The following GINS1 variants were observed in gnomAD, a reference collection of about 807,000 sequenced individuals.
GINS1 encodes GINS complex subunit 1, also known as DNA replication complex GINS protein PSF1.
A neutral mutation model predicts 34.9 loss-of-function variants in GINS1; 26 were observed. The observed-to-expected ratio is 0.74, with a 90% CI of 0.55 to 1.03. The LOEUF is 1.03. Ranked by LOEUF, GINS1 falls within the 50% of genes least tolerant of loss-of-function variation. The pLI, the probability that GINS1 is intolerant of heterozygous loss-of-function variation, is 0.00. For missense variants in GINS1, 235 were observed against 237.9 expected (o/e 0.99, Z 0.08); for synonymous variants, 97 against 84.4 (o/e 1.15, Z -0.82).
chr20:25,445,348 AT>A (rs61186516), intron 6 of GINS1, among the ~76,000 whole-genome samples: 332 of 138,256 alleles, frequency 2.4e-3, no homozygotes, highest in Admixed American at 4.4e-3. Context: ...CGCCTGGCTA[AT>A]TTTTTTTTTT....
At position 25,437,870 on chromosome 20, in the gene GINS1, G is replaced by A. The variant is rs182149175; in HGVS notation, c.448-3832G>A. ...ACAGTGGCTTACGCTTGTAATCCCA[G>A]CACTTTGGGAGGCCGAGGCGGGTGG... is the stretch of plus-strand genomic sequence containing the variant. On this transcript the variant is annotated intron_variant, in intron 5 of 6. Coordinates refer to ENST00000262460, the MANE Select transcript of GINS1 (RefSeq NM_021067.5). Among the ~76,000 whole-genome samples, 361 of 152,246 alleles carry A rather than the reference G, an allele frequency of 2.4e-3. 2 individuals are homozygous for A. Among genetic ancestry groups the A allele is most frequent in the African/African-American group, 8.5e-3 (354 of 41,548 alleles).
chr20:25,408,685 T>C (rs2146180497), intron 1 of GINS1, among the ~76,000 whole-genome samples: 1 of 152,240 alleles, frequency 6.6e-6, no homozygotes, highest in East Asian at 1.9e-4. Context: ...GGAGACCCTG[T>C]CCCAAACAAA....
chr20:25,446,150 T>C lies in GINS1; in HGVS notation c.*159T>C. On this transcript the variant is annotated 3_prime_UTR_variant, in exon 7 of 7. Transcript: ENST00000262460. ...GCTAAGAAGTATAATTTGCTAACTA[T>C]TAAGGACTTTCTTTTTTTAATGTTG... 2.1e-6 allele frequency: 1 copy of C among 486,784 alleles called. No homozygotes were observed. The highest frequency in any genetic ancestry group is 3.6e-6 in the Non-Finnish European group (1 of 274,356). 30.2% of individuals were successfully genotyped at this position (486,784 alleles called of 1,614,324 possible).
intron 4 of GINS1, 55 bp downstream of exon 4, chr20:25,418,250 T>G: frequency 1.0e-6 from 1 of 969,078 alleles, no homozygotes; most frequent in East Asian, 2.4e-5. Context: ...GTTCTGGCAT[T>G]GTTCTATAAT....
rs2090516981 is a variant in GINS1 at position 25,447,139 on chromosome 20, A to G, written c.*1148A>G. The G allele has an allele frequency of 6.6e-6, 1 of 151,992 alleles. No homozygotes were observed. The highest frequency in any genetic ancestry group is 2.1e-4 in the South Asian group (1 of 4,826). 9.4% of individuals were successfully genotyped at this position (151,992 alleles called of 1,614,324 possible). A position where few individuals can be genotyped will look rare whatever the true frequency, so the allele number is the denominator to read the frequency against. On this transcript the variant is annotated 3_prime_UTR_variant, in exon 7 of 7. Transcript: ENST00000262460. ...ACTGCAATCTCTATCCCCTGGGTTC[A>G]AGTGATTCTCTTGTCTCAGCCTCCC...
intron 4 of GINS1, chr20:25,419,599 GA>G: frequency 1.3e-6 from 1 of 781,006 alleles, no homozygotes; most frequent in South Asian, 2.2e-5. Context: ...GAGATGAACA[GA>G]ACATTATGTT....
At chr20:25,428,010 T>A (rs1005488548) in intron 5 of GINS1, among the ~76,000 whole-genome samples, 3 of 151,368 alleles carry the variant, frequency 2.0e-5, no homozygotes, top group Non-Finnish European at 3.0e-5. Context: ...TAGCTGGGAT[T>A]ACAGGCATGC....
intron 5 of GINS1, among the ~76,000 whole-genome samples, chr20:25,438,897 C>T (rs1407095361): frequency 6.6e-6 from 1 of 152,022 alleles, no homozygotes; most frequent in Non-Finnish European, 1.5e-5. Flanking sequence ...AAAAATAAAA[C>T]ATTTTTGAGG....
In GINS1 at chr20:25,407,708, A is replaced by G. The variant is rs1600912102; in HGVS notation, c.-113A>G. 2.4e-6 allele frequency: 2 copies of G among 830,672 alleles called. No individual in the cohort carries two copies. The highest frequency in any genetic ancestry group is 2.0e-6 in the Non-Finnish European group (1 of 503,528). The allele number at this position is 830,672 out of a possible 1,614,324, so 51.5% of individuals were successfully genotyped here. A position where few individuals can be genotyped will look rare whatever the true frequency, so the allele number is the denominator to read the frequency against. ...AAAGCGCGGAGCGGAGGCCGAGGCGAGAGCCTGGCGCTGTAGGACTAGAAC... is the reference window on the plus strand; with the variant it reads ...AAAGCGCGGAGCGGAGGCCGAGGCGGGAGCCTGGCGCTGTAGGACTAGAAC... On this transcript the variant is annotated 5_prime_UTR_variant, in exon 1 of 7. Coordinates refer to ENST00000262460, the MANE Select transcript of GINS1 (RefSeq NM_021067.5).
chr20:25,443,145 C>A (rs894376635), intron 6 of GINS1: 1 of 152,156 alleles, frequency 6.6e-6, no homozygotes, highest in East Asian at 1.9e-4. Flanking sequence ...TACTAATACC[C>A]TTGGATCTTT....
At position 25,441,694 on chromosome 20, in the gene GINS1, TC is replaced by T. The variant is rs1357040944; in HGVS notation, c.448-7del. 6.9e-7 allele frequency: 1 copy of T among 1,442,458 alleles called. No homozygotes were observed. The highest frequency in any genetic ancestry group is 9.6e-7 in the Non-Finnish European group (1 of 1,041,114). 89.4% of individuals were successfully genotyped at this position (1,442,458 alleles called of 1,614,324 possible). On this transcript the variant is annotated splice_region_variant and splice_polypyrimidine_tract_variant and intron_variant, in intron 5 of 6. Transcript: ENST00000262460. ...TTTAGATAAAACATCTCTCATTTTT[TC>T]TTTCAGGTCCGGTGTCTAAAAGACT...
intron 4 of GINS1, among the ~76,000 whole-genome samples, chr20:25,422,997 G>C (rs931361134): frequency 1.3e-5 from 2 of 152,072 alleles, no homozygotes; most frequent in Non-Finnish European, 1.5e-5. Flanking sequence ...GGCTGGTCTT[G>C]AACTCCCGAC....
rs1600949994 is a variant in GINS1 at position 25,447,227 on chromosome 20, A to G, written c.*1236A>G. On this transcript the variant is annotated 3_prime_UTR_variant, in exon 7 of 7. Coordinates refer to ENST00000262460, the MANE Select transcript of GINS1 (RefSeq NM_021067.5). ...GCTAATTTTTGTATTTTTAGTAGAG[A>G]CAGAGTTTTACCATGTTGGCCAGGC... The G allele has an allele frequency of 6.6e-6, 1 of 152,148 alleles. No homozygotes were observed. Among genetic ancestry groups the G allele is most frequent in the South Asian group, 2.1e-4 (1 of 4,826 alleles). The allele number at this position is 152,148 out of a possible 1,614,324, so 9.4% of individuals were successfully genotyped here. A position where few individuals can be genotyped will look rare whatever the true frequency, so the allele number is the denominator to read the frequency against.
chr20:25,441,707 G>T lies in GINS1; in HGVS notation c.453G>T (p.Arg151=), dbSNP rs973422242. 7.2e-6 allele frequency: 11 copies of T among 1,524,130 alleles called. No homozygotes were observed. The highest frequency in any genetic ancestry group is 1.4e-5 in the African/African-American group (1 of 71,716). 94.4% of individuals were successfully genotyped at this position (1,524,130 alleles called of 1,614,324 possible). A position where few individuals can be genotyped will look rare whatever the true frequency, so the allele number is the denominator to read the frequency against. The part of the protein sequence containing the change: ...KPPKSLYIEV[R]CLKDYGEFEV... The stretch of plus-strand genomic sequence containing the variant: ...TCTCTCATTTTTTCTTTCAGGTCCG[G>T]TGTCTAAAAGACTATGGAGAATTTG... Residue 151 remains arginine, a synonymous_variant, in exon 6 of 7, where the codon CGG becomes CGT. Coordinates refer to ENST00000262460, the MANE Select transcript of GINS1 (RefSeq NM_021067.5).
intron 1 of GINS1, among the ~76,000 whole-genome samples, chr20:25,410,112 C>T (rs868446320): frequency 2.0e-5 from 3 of 152,006 alleles, no homozygotes; most frequent in Admixed American, 2.0e-4. Flanking sequence ...GAGGCTGAGG[C>T]GGGCGGATTA....
chr20:25,407,970 A>G lies in GINS1; in HGVS notation c.75+75A>G. 8.1e-6 allele frequency: 9 copies of G among 1,108,260 alleles called. No homozygotes were observed. In the Admixed American group the frequency reaches 1.6e-4, roughly 20 times the overall value. The allele number at this position is 1,108,260 out of a possible 1,614,324, so 68.7% of individuals were successfully genotyped here. Reference sequence around the variant, plus strand: ...CTCTGGGGCGGGGCGGCTCCCCGTCAGGGTTCACTTTCGCACCTTGTTCCC... The same window carrying G: ...CTCTGGGGCGGGGCGGCTCCCCGTCGGGGTTCACTTTCGCACCTTGTTCCC... On this transcript the variant is annotated intron_variant, in intron 1 of 6. Coordinates refer to ENST00000262460, the MANE Select transcript of GINS1 (RefSeq NM_021067.5).
chr20:25,445,994 A>G lies in GINS1; in HGVS notation c.*3A>G, dbSNP rs1247870652. ...TCCTGGAGCACATCCTGTCATGACC[A>G]TGCGCCGAGGCACTTCCAGGCTTCA... On this transcript the variant is annotated 3_prime_UTR_variant, in exon 7 of 7. Transcript: ENST00000262460. 1.9e-6 allele frequency: 3 copies of G among 1,590,744 alleles called. No homozygotes were observed. The highest frequency in any genetic ancestry group is 2.7e-5 in the African/African-American group (2 of 74,510).
rs1420915073 is a variant in GINS1 at position 25,433,985 on chromosome 20, A to G, written c.448-7717A>G. ...TGTGTTAGTCACTGAAATCATGTTA[A>G]AAACAAAAAATAGGGGCTGGGGGTG... On this transcript the variant is annotated intron_variant, in intron 5 of 6. Transcript: ENST00000262460. 2.6e-5 allele frequency among the ~76,000 whole-genome samples: 4 copies of G among 152,142 alleles called. No individual in the cohort carries two copies. The East Asian group carries it at 7.7e-4, about 29-fold the overall frequency.
At chr20:25,429,269 A>G (rs990359849) in intron 5 of GINS1, among the ~76,000 whole-genome samples, 2 of 152,036 alleles carry the variant, frequency 1.3e-5, no homozygotes, top group Non-Finnish European at 2.9e-5. Flanking sequence ...GATTACAGGC[A>G]TGAGCCACCA....
Sources: gnomAD v4.1 joint callset for allele counts (sites outside exome capture counted in the v4.1 genomes callset) on GRCh38, gnomAD v4.1.1 for gene constraint, MANE v1.5 for transcripts, NCBI Gene and HGNC (gene_info 2026-07-23, HGNC 2026-07-21) for gene names.